Variants in CLPTM1L observed in about 807,000 individuals in gnomAD.
CLPTM1L encodes the protein CLPTM1 like.
In CLPTM1L, 38 loss-of-function variants were observed where a neutral mutation model predicts 70.9. The observed-to-expected ratio is 0.54, with a 90% CI of 0.41 to 0.70. CLPTM1L has a LOEUF of 0.70. Ranked by LOEUF, CLPTM1L falls within the 30% of genes least tolerant of loss-of-function variation. CLPTM1L has a pLI of 0.00. For synonymous variants in CLPTM1L, 339 were observed against 299.9 expected (o/e 1.13, Z -1.35); for missense variants, 652 against 705.9 (o/e 0.92, Z 0.87).
At chr5:1,327,412 C>T (rs1752675164) in intron 9 of CLPTM1L, among the ~76,000 whole-genome samples, 1 of 146,876 alleles carries the variant, frequency 6.8e-6, no homozygotes, top group Non-Finnish European at 1.5e-5. Context: ...TTCCATCCAG[C>T]TCCTCCTCTA....
intron 4 of CLPTM1L, chr5:1,338,183 G>C (rs1016803784): frequency 1.7e-6 from 1 of 599,374 alleles, no homozygotes; most frequent in South Asian, 2.0e-5. Context: ...TGTGAGACCC[G>C]CTCCCCAGGA....
rs1751966028 is a variant in CLPTM1L, at chr5:1,318,531, G to A, written c.1533-78C>T. Reference sequence around the variant, plus strand: ...TCTAAGAGGAGGACTTGGCATCCTCGATTTATTTTCCAGTGAGCTGCCACA... The same window carrying A: ...TCTAAGAGGAGGACTTGGCATCCTCAATTTATTTTCCAGTGAGCTGCCACA... On this transcript the variant is annotated intron_variant, in intron 16 of 16. Coordinates refer to ENST00000320895, the MANE Select transcript of CLPTM1L (RefSeq NM_030782.5). The surrounding 1 kb of genome is among the most constrained non-coding windows in gnomAD (Gnocchi z 8.9). 3.3e-6 allele frequency: 4 copies of A among 1,207,536 alleles called. No homozygotes were observed. Among genetic ancestry groups the A allele is most frequent in the Non-Finnish European group, 4.8e-6 (4 of 825,118 alleles). 74.8% of individuals were successfully genotyped at this position (1,207,536 alleles called of 1,614,324 possible). A position where few individuals can be genotyped will look rare whatever the true frequency, so the allele number is the denominator to read the frequency against.
chr5:1,341,022 T>C (rs1753906120), intron 3 of CLPTM1L, among the ~76,000 whole-genome samples: 1 of 152,228 alleles, frequency 6.6e-6, no homozygotes, highest in Non-Finnish European at 1.5e-5. Flanking sequence ...TGCCTCAGCC[T>C]CCCAAAGTGC....
chr5:1,339,234 C>T (rs564111728), intron 3 of CLPTM1L, among the ~76,000 whole-genome samples: 29 of 141,136 alleles, frequency 2.1e-4, no homozygotes, highest in East Asian at 8.8e-4. Context: ...GCCACACAGA[C>T]GGGCAAACTG....
intron 3 of CLPTM1L, among the ~76,000 whole-genome samples, chr5:1,339,504 C>T (rs1753807932): frequency 7.8e-6 from 1 of 128,864 alleles, no homozygotes; most frequent in Non-Finnish European, 1.6e-5. Context: ...CAAACTGTGC[C>T]CGGGACAGCA....
At position 1,318,551 on chromosome 5, in the gene CLPTM1L, G is replaced by T; in HGVS notation, c.1533-98C>A. ...TCCTCGATTTATTTTCCAGTGAGCT[G>T]CCACAGTGAGCAAATTAACTAAAAA... On this transcript the variant is annotated intron_variant, in intron 16 of 16. Transcript: ENST00000320895. This position sits in a 1 kb window ranked among gnomAD's most constrained non-coding sequence, Gnocchi z 8.9. The T allele has an allele frequency of 1.1e-6, 1 of 931,428 alleles. No individual in the cohort carries two copies. The highest frequency in any genetic ancestry group is 1.5e-5 in the South Asian group (1 of 68,680). The allele number at this position is 931,428 out of a possible 1,614,324, so 57.7% of individuals were successfully genotyped here.
At chr5:1,320,558 C>G in intron 16 of CLPTM1L, 58 bp downstream of exon 16, 1 of 934,036 alleles carries the variant, frequency 1.1e-6, no homozygotes, top group South Asian at 1.7e-5. Context: ...TCATTCCGTT[C>G]AGCAGCAGCC....
At chr5:1,331,980 G>C (rs374939384) in intron 7 of CLPTM1L, 97 bp from the exon 8 acceptor site, 1 of 963,934 alleles carries the variant, frequency 1.0e-6, no homozygotes, top group Non-Finnish European at 1.6e-6. Flanking sequence ...TGAGACTGCA[G>C]GTGTACTCAG....
At position 1,321,776 on chromosome 5, in the gene CLPTM1L, A is replaced by G. The variant is rs1451233586; in HGVS notation, c.1359T>C (p.Phe453=). 1 of 1,614,014 alleles carries G rather than the reference A, an allele frequency of 6.2e-7. No individual in the cohort carries two copies. The highest frequency in any genetic ancestry group is 2.2e-5 in the East Asian group (1 of 44,876). ...CACACCGCCTTACCTTGTAGTTCACAAAGAGCTGGGGCAGCATGAAGAGGA... is the reference window on the plus strand; with the variant it reads ...CACACCGCCTTACCTTGTAGTTCACGAAGAGCTGGGGCAGCATGAAGAGGA... ...FGFLFMLPQL[F]VNYKLKSVAH... is the part of the protein sequence containing the mutation. Residue 453 remains phenylalanine (F), a synonymous_variant, in exon 14 of 17, where the codon TTT becomes TTC. Transcript: ENST00000320895.
At chr5:1,344,651 GCCCGGCC>G (rs969784327) in intron 1 of CLPTM1L, 22 bp downstream of exon 1, 2 of 1,536,722 alleles carry the variant, frequency 1.3e-6, no homozygotes, top group African/African-American at 2.8e-5. Context: ...ACCCCAACCC[GCCCGGCC>G]CCCGGCCCCG....
At position 1,326,244 on chromosome 5, in the gene CLPTM1L, G is replaced by A. The variant is rs77598939; in HGVS notation, c.1081-428C>T. Reference sequence around the variant, plus strand: ...CAGGACGGGTGCCAGAGCCGGGCACGGCACTGTGACTCGTACCTATGGAGG... The same window carrying A: ...CAGGACGGGTGCCAGAGCCGGGCACAGCACTGTGACTCGTACCTATGGAGG... On this transcript the variant is annotated intron_variant, in intron 9 of 16. Transcript: ENST00000320895. The A allele has an allele frequency of 8.9e-5, 22 of 248,158 alleles. No homozygotes were observed. In the East Asian group the frequency reaches 9.2e-4, roughly 10 times the overall value. The allele number at this position is 248,158 out of a possible 1,614,324, so 15.4% of individuals were successfully genotyped here.
At chr5:1,325,160 T>A in intron 10 of CLPTM1L, 1 of 367,836 alleles carries the variant, frequency 2.7e-6, no homozygotes, top group Non-Finnish European at 5.0e-6. Flanking sequence ...CCGGGAGCCA[T>A]GGGGCAAGGT....
rs1445849099 is a variant in CLPTM1L at position 1,342,923 on chromosome 5, C to A, written c.264-1063G>T. 1.3e-5 allele frequency among the ~76,000 whole-genome samples: 2 copies of A among 152,196 alleles called. No homozygotes were observed. The highest frequency in any genetic ancestry group is 4.1e-4 in the South Asian group (2 of 4,834). ...AAATCTTACGGTTGGCCGGGTGCGG[C>A]GGCTCACGCCTGTAATCCCAGCACC... On this transcript the variant is annotated intron_variant, in intron 2 of 16. Transcript: ENST00000320895. This position sits in a 1 kb window ranked among gnomAD's most constrained non-coding sequence, Gnocchi z 4.3.
Position 1,318,246 on chromosome 5 carries a change from A to G in CLPTM1L, c.*123T>C. 2.7e-6 allele frequency: 2 copies of G among 747,038 alleles called. No homozygotes were observed. Among genetic ancestry groups the G allele is most frequent in the Non-Finnish European group, 4.5e-6 (2 of 444,482 alleles). 46.3% of individuals were successfully genotyped at this position (747,038 alleles called of 1,614,324 possible). A position where few individuals can be genotyped will look rare whatever the true frequency, so the allele number is the denominator to read the frequency against. On this transcript the variant is annotated 3_prime_UTR_variant, in exon 17 of 17. Coordinates refer to ENST00000320895, the MANE Select transcript of CLPTM1L (RefSeq NM_030782.5). This position sits in a 1 kb window ranked among gnomAD's most constrained non-coding sequence, Gnocchi z 8.9. ...GTGATGGGAACTTGGGAGATGTCTG[A>G]GAAATGTCCGAAGGGATTTTGGCAA...
chr5:1,320,887 G>A (rs1247327402), intron 15 of CLPTM1L, among the ~76,000 whole-genome samples, 156 bp from the exon 16 acceptor site: 1 of 152,234 alleles, frequency 6.6e-6, no homozygotes, highest in African/African-American at 2.4e-5. Context: ...GCCGGCAAGT[G>A]GAGATACGGA....
intron 9 of CLPTM1L, among the ~76,000 whole-genome samples, chr5:1,328,707 C>T (rs1752828378): frequency 2.0e-5 from 3 of 149,874 alleles, no homozygotes; most frequent in Non-Finnish European, 3.0e-5. Flanking sequence ...TCTATAGACA[C>T]ATTCCATCCA....
chr5:1,333,088 C>T (rs80067643), intron 7 of CLPTM1L, among the ~76,000 whole-genome samples: 2 of 66,362 alleles, frequency 3.0e-5, no homozygotes, highest in African/African-American at 7.5e-5. Context: ...GTATACACAC[C>T]GGATGAGGAT....
intron 9 of CLPTM1L, chr5:1,326,173 C>A (rs1167054936): frequency 2.0e-5 from 6 of 301,000 alleles, no homozygotes; most frequent in Non-Finnish European, 3.1e-5. Context: ...GCTCTGAGAG[C>A]CGCCACCTCA....
chr5:1,324,607 T>C (rs1306763149), intron 11 of CLPTM1L, among the ~76,000 whole-genome samples, 156 bp downstream of exon 11: 2 of 152,124 alleles, frequency 1.3e-5, no homozygotes, highest in South Asian at 2.1e-4. Context: ...AGTAAGAAAT[T>C]TGGGTTTTAT....
Sources: gnomAD v4.1 joint callset for allele counts (sites outside exome capture counted in the v4.1 genomes callset) on GRCh38, gnomAD v4.1.1 for gene constraint, Gnocchi (gnomAD v3.1) non-coding constraint, MANE v1.5 for transcripts, NCBI Gene and HGNC (gene_info 2026-07-23, HGNC 2026-07-21) for gene names.